Variants in CELF2 observed in about 807,000 individuals in gnomAD.
CELF2 encodes the protein CUGBP Elav-like family member 2.
CELF2 carries 8 observed loss-of-function variants against 62.6 expected under a neutral mutation model. That is an observed-to-expected ratio of 0.13 (90% confidence interval 0.07 to 0.23). The LOEUF is 0.23. Ranked by LOEUF, CELF2 falls within the 10% of genes least tolerant of loss-of-function variation. CELF2 has a pLI of 1.00. For synonymous variants in CELF2, 258 were observed against 250.0 expected (o/e 1.03, Z -0.30); for missense variants, 333 against 671.0 (o/e 0.50, Z 5.56).
chr10:11,137,199 A>G (rs2060576435), intron 1 of CELF2, among the ~76,000 whole-genome samples: 1 of 152,246 alleles, frequency 6.6e-6, no homozygotes, highest in African/African-American at 2.4e-5. Flanking sequence ...ATCATTTGAA[A>G]TGTTAGAGAT....
At chr10:10,469,092 G>T in the CELF2 span, among the ~76,000 whole-genome samples, 4 of 151,836 alleles carry the variant, frequency 2.6e-5, no homozygotes, top group Admixed American at 2.6e-4. Flanking sequence ...TAACGTTTTA[G>T]TGTCTTAATA....
intron 1 of CELF2, among the ~76,000 whole-genome samples, chr10:10,836,287 C>T (rs2132381194): frequency 6.6e-6 from 1 of 152,202 alleles, no homozygotes; most frequent in South Asian, 2.1e-4. Flanking sequence ...GAAGAACCAG[C>T]AAATAAGAGT....
chr10:10,590,368 A>G, the CELF2 span, among the ~76,000 whole-genome samples: 1 of 152,240 alleles, frequency 6.6e-6, no homozygotes, highest in African/African-American at 2.4e-5. Flanking sequence ...GAGCAAGGAA[A>G]TGTGTAAAAT....
chr10:10,508,482 T>C, the CELF2 span, among the ~76,000 whole-genome samples: 6 of 152,230 alleles, frequency 3.9e-5, no homozygotes, highest in African/African-American at 1.2e-4. Flanking sequence ...TGCTCTTGAA[T>C]GGCCCAAGCC....
At chr10:11,263,102 G>A (rs2081212073) in intron 5 of CELF2, among the ~76,000 whole-genome samples, 1 of 151,580 alleles carries the variant, frequency 6.6e-6, no homozygotes, top group African/African-American at 2.4e-5. Flanking sequence ...TCTGTGACAG[G>A]GCTACGTGCT....
the CELF2 span, among the ~76,000 whole-genome samples, chr10:10,664,215 T>C: frequency 2.6e-5 from 4 of 152,320 alleles, no homozygotes; most frequent in East Asian, 3.9e-4. Flanking sequence ...ATAATGGTTA[T>C]AACAATATTT....
intron 1 of CELF2, among the ~76,000 whole-genome samples, chr10:11,077,284 T>G (rs547553153): frequency 6.6e-6 from 1 of 152,176 alleles, no homozygotes; most frequent in Admixed American, 6.5e-5. Flanking sequence ...GCTTTGAGTT[T>G]GGGTGCTTTT....
chr10:10,559,798 T>C, the CELF2 span, among the ~76,000 whole-genome samples: 2 of 152,214 alleles, frequency 1.3e-5, no homozygotes, highest in Non-Finnish European at 2.9e-5. Flanking sequence ...TGTGGACTGC[T>C]GTGCACCGCC....
chr10:11,180,641 C>T (rs540867392), intron 2 of CELF2, among the ~76,000 whole-genome samples: 2 of 152,246 alleles, frequency 1.3e-5, no homozygotes, highest in East Asian at 3.9e-4. Context: ...GATCAGTTCT[C>T]GGTAGTATTG....
the CELF2 span, among the ~76,000 whole-genome samples, chr10:10,514,104 A>G: frequency 6.6e-6 from 1 of 152,224 alleles, no homozygotes; most frequent in Admixed American, 6.5e-5. Context: ...TTCTTTGCTA[A>G]GCACACAGAA....
Position 11,321,087 on chromosome 10 carries a change from T to A in CELF2, c.1097-102T>A. On this transcript the variant is annotated intron_variant, in intron 10 of 12. Coordinates refer to ENST00000633077, the MANE Select transcript of CELF2 (RefSeq NM_001326342.2). This position sits in a 1 kb window ranked among gnomAD's most constrained non-coding sequence, Gnocchi z 6.2. ...AGTGTAATTGTGTGCTAGCTGCATG[T>A]ACTTGCTGTTGTACTGTGTTTAAAT... 1 of 1,332,078 alleles carries A rather than the reference T, an allele frequency of 7.5e-7. No individual in the cohort carries two copies. Among genetic ancestry groups the A allele is most frequent in the Non-Finnish European group, 1.1e-6 (1 of 934,066 alleles). 82.5% of individuals were successfully genotyped at this position (1,332,078 alleles called of 1,614,324 possible). A position where few individuals can be genotyped will look rare whatever the true frequency, so the allele number is the denominator to read the frequency against.
chr10:10,872,790 C>G (rs2060836758), intron 1 of CELF2, among the ~76,000 whole-genome samples: 1 of 152,204 alleles, frequency 6.6e-6, no homozygotes, highest in African/African-American at 2.4e-5. Flanking sequence ...GGTGAAACCT[C>G]TTGCCATAGA....
At chr10:11,067,815 G>A (rs146677801) in intron 1 of CELF2, among the ~76,000 whole-genome samples, 46 of 152,278 alleles carry the variant, frequency 3.0e-4, no homozygotes, top group East Asian at 2.9e-3. Flanking sequence ...GAGACCCTGG[G>A]CAAGTTATTT....
the CELF2 span, among the ~76,000 whole-genome samples, chr10:10,535,240 G>T: frequency 6.6e-6 from 1 of 152,192 alleles, no homozygotes; most frequent in Non-Finnish European, 1.5e-5. Flanking sequence ...CACACAGCAT[G>T]ATTGCACTTG....
chr10:11,225,713 G>A lies in CELF2; in HGVS notation c.354+8206G>A, dbSNP rs540202242. On this transcript the variant is annotated intron_variant, in intron 3 of 12. Transcript: ENST00000633077. Reference sequence around the variant, plus strand: ...AGTTTATTTCCTTGTGTACAGCCCTGGTTTGACAAGAAAGGGTATTTAACC... The same window carrying A: ...AGTTTATTTCCTTGTGTACAGCCCTAGTTTGACAAGAAAGGGTATTTAACC... Among the ~76,000 whole-genome samples the A allele has an allele frequency of 6.6e-5, 10 of 152,228 alleles. No homozygotes were observed. In the East Asian group the frequency reaches 1.7e-3, roughly 26 times the overall value.
At chr10:10,792,219 A>C in the CELF2 span, among the ~76,000 whole-genome samples, 2 of 152,208 alleles carry the variant, frequency 1.3e-5, no homozygotes, top group Non-Finnish European at 2.9e-5. Flanking sequence ...ATAATCAATC[A>C]ATATTTGTGT....
At chr10:11,187,787 C>G (rs527398618) in intron 2 of CELF2, among the ~76,000 whole-genome samples, 80 of 108,678 alleles carry the variant, frequency 7.4e-4, no homozygotes, top group South Asian at 7.2e-3. Context: ...TATGCTGTTG[C>G]TGTTTTTACA....
At chr10:10,537,650 C>A in the CELF2 span, among the ~76,000 whole-genome samples, 1 of 152,112 alleles carries the variant, frequency 6.6e-6, no homozygotes, top group African/African-American at 2.4e-5. Context: ...AACCAGCCAT[C>A]CTTGCCACTC....
the CELF2 span, among the ~76,000 whole-genome samples, chr10:10,517,007 C>T: frequency 6.6e-6 from 1 of 152,172 alleles, no homozygotes; most frequent in Non-Finnish European, 1.5e-5. Context: ...CACCTTCACT[C>T]ATTACTGGAT....
Sources: allele counts gnomAD v4.1 joint callset (sites outside exome capture counted in the v4.1 genomes callset), GRCh38; gene constraint gnomAD v4.1.1; non-coding constraint Gnocchi (gnomAD v3.1); transcripts MANE v1.5; gene names NCBI Gene and HGNC (gene_info 2026-07-23, HGNC 2026-07-21).